Variants in FRMPD4 observed in about 807,000 individuals in gnomAD.
FRMPD4 encodes FERM and PDZ domain-containing protein 4.
In FRMPD4, 22 loss-of-function variants were observed where a neutral mutation model predicts 94.1. The observed-to-expected ratio is 0.23, with a 90% CI of 0.17 to 0.33. The LOEUF (loss-of-function observed/expected upper bound fraction) is 0.33. Among genes scored for constraint, FRMPD4 ranks in the 10% least tolerant of loss-of-function variants. The pLI, the probability that FRMPD4 is intolerant of heterozygous loss-of-function variation, is 1.00. For missense variants in FRMPD4, 1,111 were observed against 1,339.9 expected (o/e 0.83, Z 2.67); for synonymous variants, 631 against 548.6 (o/e 1.15, Z -2.10).
intron 4 of FRMPD4, among the ~76,000 whole-genome samples, chrX:12,628,613 A>G (rs2059368309): frequency 8.9e-6 from 1 of 112,535 alleles, no homozygotes; most frequent in Non-Finnish European, 1.9e-5. Context: ...TAATTCTTCA[A>G]GGCTATCTGG....
At chrX:12,186,000 A>G (rs953576947) in intron 1 of FRMPD4, among the ~76,000 whole-genome samples, 3 of 111,990 alleles carry the variant, frequency 2.7e-5, no homozygotes, top group African/African-American at 9.7e-5. Flanking sequence ...TGATTATAAA[A>G]GGAAATCCAT....
chrX:12,219,227 G>A (rs1409308872), intron 1 of FRMPD4, among the ~76,000 whole-genome samples: 1 of 111,300 alleles, frequency 9.0e-6, no homozygotes, highest in East Asian at 2.8e-4. Context: ...AAATTAGCTG[G>A]GCACAGTGGT....
intron 2 of FRMPD4, among the ~76,000 whole-genome samples, chrX:12,607,181 G>C (rs548936254): frequency 1.8e-5 from 2 of 111,491 alleles, no homozygotes; most frequent in Non-Finnish European, 3.8e-5. Context: ...GGCTCACTCA[G>C]GGTCTGGAAT....
At chrX:12,327,301 A>G (rs2055304270) in intron 1 of FRMPD4, among the ~76,000 whole-genome samples, 1 of 112,622 alleles carries the variant, frequency 8.9e-6, no homozygotes, top group African/African-American at 3.2e-5. Flanking sequence ...AATCTTTCAC[A>G]TTAGAATTTT....
At chrX:12,174,523 A>G (rs2056268787) in intron 1 of FRMPD4, among the ~76,000 whole-genome samples, 1 of 111,708 alleles carries the variant, frequency 9.0e-6, no homozygotes, top group Admixed American at 9.4e-5. Context: ...CATATTTTCA[A>G]ATCATTCCTT....
Position 11,963,998 on chromosome X carries a change from A to G in FRMPD4, c.95+85980A>G, listed in dbSNP as rs181541807. 6.1e-3 allele frequency among the ~76,000 whole-genome samples: 682 copies of G among 111,538 alleles called. 3 individuals carry two copies. The highest frequency in any genetic ancestry group is 0.021 in the African/African-American group (656 of 30,675). On this transcript the variant is annotated intron_variant, in intron 3 of 18. Transcript: ENST00000640291. The stretch of plus-strand genomic sequence containing the variant: ...TCCTGAGTTGCTCTAAGTTGGTTAG[A>G]TGTGCCACAAAAGGTTTCCTAGCAC...
intron 1 of FRMPD4, among the ~76,000 whole-genome samples, chrX:12,451,146 A>G (rs2057265143): frequency 9.0e-6 from 1 of 110,880 alleles, no homozygotes; most frequent in Admixed American, 9.6e-5. Flanking sequence ...TTCCCCTGGT[A>G]TTTGCATGGT....
rs750288170 is a variant in FRMPD4, at chrX:12,230,394, G to A, written c.41+91382G>A. On this transcript the variant is annotated intron_variant, in intron 1 of 16. Coordinates refer to ENST00000675598, the MANE Select transcript of FRMPD4 (RefSeq NM_001368397.1). ...CTGGCAAACTGAGACCAAATTGATA[G>A]AGACTGCCTTTGGGCACATAAGCAG... Among the ~76,000 whole-genome samples, 6 of 111,733 alleles carry A rather than the reference G, an allele frequency of 5.4e-5. No individual in the cohort carries two copies. In the East Asian group the frequency reaches 1.7e-3, roughly 32 times the overall value.
chrX:12,631,108 C>G (rs1031482931), intron 4 of FRMPD4, among the ~76,000 whole-genome samples: 1 of 111,531 alleles, frequency 9.0e-6, no homozygotes, highest in Non-Finnish European at 1.9e-5. Flanking sequence ...TCCTCCCCTT[C>G]CTTTGGCAAG....
intron 1 of FRMPD4, among the ~76,000 whole-genome samples, chrX:12,181,260 T>C (rs1158138534): frequency 1.8e-5 from 2 of 111,891 alleles, no homozygotes; most frequent in African/African-American, 6.5e-5. Context: ...GTATAATTTA[T>C]CTGAATAATT....
At chrX:12,503,770 G>GTC (rs756953081) in intron 2 of FRMPD4, among the ~76,000 whole-genome samples, 24 of 111,830 alleles carry the variant, frequency 2.1e-4, no homozygotes, top group African/African-American at 5.8e-4. Flanking sequence ...TATTTACCCA[G>GTC]TCTAATAGGT....
rs189624271 is a variant in FRMPD4 at position 12,096,696 on chromosome X, G to C, written c.95+218678G>C. The stretch of plus-strand genomic sequence containing the variant: ...GCCCAGGAGTTTGATGCCAGCCTGG[G>C]CAACATAGCAAGACCCGATTTCTCA... On this transcript the variant is annotated intron_variant, in intron 3 of 18. Transcript: ENST00000640291. 7.4e-4 allele frequency among the ~76,000 whole-genome samples: 82 copies of C among 111,357 alleles called. 1 individual carries two copies. Among genetic ancestry groups the C allele is most frequent in the Middle Eastern group, 4.6e-3 (1 of 218 alleles).
chrX:12,553,309 TAGA>T (rs2148332754), intron 2 of FRMPD4, among the ~76,000 whole-genome samples: 1 of 107,952 alleles, frequency 9.3e-6, no homozygotes, highest in East Asian at 2.9e-4. Flanking sequence ...CAATGGTATA[TAGA>T]AGTAGTCCTC....
chrX:12,443,923 C>T (rs1269094835), intron 1 of FRMPD4, among the ~76,000 whole-genome samples: 2 of 111,848 alleles, frequency 1.8e-5, no homozygotes, highest in Non-Finnish European at 1.9e-5. Context: ...ATATCATTTG[C>T]GTCATTTCTC....
In FRMPD4 at chrX:11,946,712, G is replaced by T. The variant is rs776784650; in HGVS notation, c.95+68694G>T. 1.2e-4 allele frequency among the ~76,000 whole-genome samples: 13 copies of T among 111,435 alleles called. No individual in the cohort carries two copies. In the East Asian group the frequency reaches 3.4e-3, roughly 29 times the overall value. On this transcript the variant is annotated intron_variant, in intron 3 of 18. Coordinates refer to the FRMPD4 transcript ENST00000640291. ...AAAGAAGATCACCCTCCCTGGTATG[G>T]GCAGGCATCATACAACCCACTGAAG...
chrX:12,339,075 A>G lies in FRMPD4; in HGVS notation c.42-159605A>G, dbSNP rs1220329806. Among the ~76,000 whole-genome samples, 3 of 112,288 alleles carry G rather than the reference A, an allele frequency of 2.7e-5. No homozygotes were observed. The Admixed American group carries it at 2.8e-4, about 11-fold the overall frequency. ...GCTTGAGGGTGGGGAGATTGTCAGTAAACAATTAAGGGCTGCAATCCAGGC... is the reference window on the plus strand; with the variant it reads ...GCTTGAGGGTGGGGAGATTGTCAGTGAACAATTAAGGGCTGCAATCCAGGC... On this transcript the variant is annotated intron_variant, in intron 1 of 16. Transcript: ENST00000675598.
chrX:11,907,467 A>T (rs188105317), intron 3 of FRMPD4, among the ~76,000 whole-genome samples: 16 of 112,297 alleles, frequency 1.4e-4, no homozygotes, highest in African/African-American at 4.5e-4. Flanking sequence ...TTTATTTCTC[A>T]TAGTTCTGGA....
intron 1 of FRMPD4, among the ~76,000 whole-genome samples, chrX:12,315,644 C>A (rs2147914915): frequency 8.9e-6 from 1 of 112,048 alleles, no homozygotes; most frequent in African/African-American, 3.2e-5. Context: ...GACCTCATTA[C>A]CAGAGGCTAG....
At chrX:11,882,854 A>G (rs1387745432) in intron 3 of FRMPD4, among the ~76,000 whole-genome samples, 1 of 111,428 alleles carries the variant, frequency 9.0e-6, no homozygotes. Context: ...TTGATAAAAG[A>G]GAGAGGAGAC....
Sources: allele counts gnomAD v4.1 joint callset (sites outside exome capture counted in the v4.1 genomes callset), GRCh38; gene constraint gnomAD v4.1.1; transcripts MANE v1.5; gene names NCBI Gene and HGNC (gene_info 2026-07-23, HGNC 2026-07-21).